PRELID2: variants seen among roughly 807,000 people sequenced by gnomAD.
PRELID2 encodes the protein PRELI domain-containing protein 2.
Under a neutral mutation model 28.4 loss-of-function variants are expected in PRELID2, and 25 were observed. That is an observed-to-expected ratio of 0.88 (90% CI 0.64 to 1.23). The LOEUF is 1.23. Among genes scored for constraint, PRELID2 ranks in the 50% most tolerant of loss-of-function variants. The probability of loss-of-function intolerance (pLI) is 0.00; values close to 1 mark genes in which losing one functional copy is unlikely to be tolerated. For missense variants in PRELID2, 201 were observed against 214.4 expected (o/e 0.94, Z 0.39); for synonymous variants, 76 against 71.6 (o/e 1.06, Z -0.31).
At chr5:145,358,315 A>G in the PRELID2 span, among the ~76,000 whole-genome samples, 6,093 of 152,008 alleles carry the variant, frequency 0.04, 131 homozygotes, top group Middle Eastern at 0.068. Context: ...TTCTGGTGCA[A>G]CAGAAAGCTG....
At chr5:145,290,350 C>G in the PRELID2 span, among the ~76,000 whole-genome samples, 1 of 152,012 alleles carries the variant, frequency 6.6e-6, no homozygotes, top group African/African-American at 2.4e-5. Flanking sequence ...GGAACCAACC[C>G]AAATGTCCAT....
chr5:145,566,657 T>G (rs1306417405), intron 1 of PRELID2, among the ~76,000 whole-genome samples: 1 of 152,058 alleles, frequency 6.6e-6, no homozygotes, highest in Non-Finnish European at 1.5e-5. Context: ...CTGGTCAACA[T>G]GGTGAAATTC....
At chr5:145,405,348 T>C in the PRELID2 span, among the ~76,000 whole-genome samples, 1 of 152,192 alleles carries the variant, frequency 6.6e-6, no homozygotes, top group Non-Finnish European at 1.5e-5. Flanking sequence ...TGTTAGTTAA[T>C]TGCTGTGTTA....
At chr5:145,235,520 T>A in the PRELID2 span, among the ~76,000 whole-genome samples, 1 of 152,162 alleles carries the variant, frequency 6.6e-6, no homozygotes, top group Non-Finnish European at 1.5e-5. Context: ...GAATTGGCAC[T>A]CAAATCGTCC....
intron 1 of PRELID2, among the ~76,000 whole-genome samples, chr5:145,724,600 A>AATAAATAAATATAT (rs1308255896): frequency 8.1e-5 from 2 of 24,788 alleles, no homozygotes; most frequent in African/African-American, 2.1e-4. Flanking sequence ...GAAGTAAATA[A>AATAAATAAATATAT]ATATATATAT....
chr5:145,740,533 T>C (rs1756642772), intron 1 of PRELID2, among the ~76,000 whole-genome samples: 1 of 132,664 alleles, frequency 7.5e-6, no homozygotes, highest in African/African-American at 2.8e-5. Context: ...TTATAAAACA[T>C]TTTACCCAAC....
chr5:145,821,707 T>C (rs1754844055), intron 2 of PRELID2, among the ~76,000 whole-genome samples: 1 of 152,164 alleles, frequency 6.6e-6, no homozygotes, highest in South Asian at 2.1e-4. Context: ...GGCCATCTCA[T>C]CCAGTGTTTG....
chr5:145,718,249 C>T (rs911344988), intron 1 of PRELID2, among the ~76,000 whole-genome samples: 1 of 151,664 alleles, frequency 6.6e-6, no homozygotes, highest in Non-Finnish European at 1.5e-5. Flanking sequence ...TATGATTGAC[C>T]TACAAAAATC....
At chr5:145,727,081 T>C (rs1236544723) in intron 1 of PRELID2, among the ~76,000 whole-genome samples, 1 of 152,150 alleles carries the variant, frequency 6.6e-6, no homozygotes. Flanking sequence ...TTATTGGTGA[T>C]CAAACAAAGA....
At chr5:145,715,050 C>T (rs746809828) in intron 1 of PRELID2, among the ~76,000 whole-genome samples, 12 of 152,086 alleles carry the variant, frequency 7.9e-5, no homozygotes, top group Non-Finnish European at 1.3e-4. Context: ...ATTTAAATAC[C>T]ACATCTGTAT....
chr5:145,491,691 A>G (rs1030286847), intron 1 of PRELID2, among the ~76,000 whole-genome samples: 1 of 152,048 alleles, frequency 6.6e-6, no homozygotes, highest in Non-Finnish European at 1.5e-5. Context: ...TTTGACAAAT[A>G]TCTCTGTAAC....
chr5:145,339,952 G>T, the PRELID2 span, among the ~76,000 whole-genome samples: 6 of 152,116 alleles, frequency 3.9e-5, no homozygotes, highest in African/African-American at 1.2e-4. Context: ...GCTGTGTACT[G>T]CTCTGAGACC....
the PRELID2 span, among the ~76,000 whole-genome samples, chr5:145,230,587 A>T: frequency 2.1e-4 from 32 of 151,588 alleles, no homozygotes; most frequent in Non-Finnish European, 1.5e-4. Flanking sequence ...TCAAAAAAAT[A>T]AAAAAAAGAA....
At chr5:145,274,382 T>C in the PRELID2 span, among the ~76,000 whole-genome samples, 1 of 152,158 alleles carries the variant, frequency 6.6e-6, no homozygotes, top group Non-Finnish European at 1.5e-5. Flanking sequence ...TAAATGATAA[T>C]TTTCTAGAGC....
chr5:145,736,129 C>T (rs568139608), intron 1 of PRELID2, among the ~76,000 whole-genome samples: 24 of 152,320 alleles, frequency 1.6e-4, no homozygotes, highest in African/African-American at 5.3e-4. Flanking sequence ...CCTAACACTG[C>T]AACTGGTTCT....
At chr5:145,488,504 CT>C (rs1752241916) in intron 1 of PRELID2, among the ~76,000 whole-genome samples, 1 of 152,060 alleles carries the variant, frequency 6.6e-6, no homozygotes, top group South Asian at 2.1e-4. Context: ...CCAAAGACTC[CT>C]GATTAATTTG....
At chr5:145,591,542 T>C (rs1753226467) in intron 1 of PRELID2, among the ~76,000 whole-genome samples, 1 of 152,154 alleles carries the variant, frequency 6.6e-6, no homozygotes. Context: ...AGGATGAAGT[T>C]TGTATGTTCA....
At chr5:145,428,470 A>T in the PRELID2 span, among the ~76,000 whole-genome samples, 1 of 152,208 alleles carries the variant, frequency 6.6e-6, no homozygotes, top group Non-Finnish European at 1.5e-5. Flanking sequence ...ATGTTCTAGT[A>T]CAAAGAATCA....
At chr5:145,730,274 C>G (rs1344635464) in intron 1 of PRELID2, among the ~76,000 whole-genome samples, 1 of 152,134 alleles carries the variant, frequency 6.6e-6, no homozygotes, top group African/African-American at 2.4e-5. Flanking sequence ...CTCAGCTTTT[C>G]TCCCAACACA....
Sources: allele counts gnomAD v4.1 joint callset (sites outside exome capture counted in the v4.1 genomes callset), GRCh38; gene constraint gnomAD v4.1.1; transcripts MANE v1.5; gene names NCBI Gene and HGNC (gene_info 2026-07-23, HGNC 2026-07-21).